Variants in CFAP61 observed in about 807,000 individuals in gnomAD.
CFAP61 encodes cilia- and flagella-associated protein 61.
CFAP61 carries 107 observed loss-of-function variants against 135.6 expected under a neutral mutation model. That is an observed-to-expected ratio of 0.79 (90% CI 0.67 to 0.93). The LOEUF (loss-of-function observed/expected upper bound fraction) is 0.93. Ranked by LOEUF, CFAP61 falls within the 40% of genes least tolerant of loss-of-function variation. The pLI is 0.00. For missense variants in CFAP61, 1,507 were observed against 1,556.2 expected, an observed-to-expected ratio of 0.97 and a Z score of 0.53; for synonymous variants, 575 against 578.5, an observed-to-expected ratio of 0.99 and a Z score of 0.09.
In CFAP61 at chr20:20,349,196, T is replaced by C. The variant is rs1378799466; in HGVS notation, c.3513+7275T>C. On this transcript the variant is annotated intron_variant, in intron 26 of 26. Transcript: ENST00000245957. ...ACATTATCAGTTGTATTAATCTGTT[T>C]GCATTGCTTTAGAAGAACACCTGAG... Among the ~76,000 whole-genome samples the C allele has an allele frequency of 2.6e-5, 4 of 152,226 alleles. No individual in the cohort carries two copies. In the East Asian group the frequency reaches 5.8e-4, roughly 22 times the overall value.
chr20:20,262,730 G>A (rs1282251635), intron 20 of CFAP61, among the ~76,000 whole-genome samples: 1 of 150,782 alleles, frequency 6.6e-6, no homozygotes, highest in Non-Finnish European at 1.5e-5. Flanking sequence ...GAAACAATTT[G>A]TTACACAGCA....
intron 26 of CFAP61, among the ~76,000 whole-genome samples, chr20:20,354,884 A>T (rs1256972601): frequency 8.0e-6 from 1 of 124,256 alleles, no homozygotes; most frequent in African/African-American, 3.0e-5. Context: ...AGGTGGTCAG[A>T]CTGTGTCAGA....
intron 9 of CFAP61, among the ~76,000 whole-genome samples, chr20:20,152,509 G>A (rs553070944): frequency 6.9e-4 from 105 of 152,216 alleles, no homozygotes; most frequent in African/African-American, 2.4e-3. Context: ...CTATAAACTT[G>A]CAGTCAATGG....
chr20:20,199,934 G>A lies in CFAP61; in HGVS notation c.1932+32G>A, dbSNP rs369243987. 1.2e-5 allele frequency: 20 copies of A among 1,610,350 alleles called. 1 individual carries two copies. Among genetic ancestry groups the A allele is most frequent in the South Asian group, 5.5e-5 (5 of 91,004 alleles). On this transcript the variant is annotated intron_variant, in intron 17 of 26. Coordinates refer to ENST00000245957, the MANE Select transcript of CFAP61 (RefSeq NM_015585.4). ...AGCAGGGCGGCAGGCAGGGCGGCGC[G>A]GTGCCAGCTCCCGCGGGCCTGGCAG...
chr20:20,136,445 C>T (rs755712680), intron 8 of CFAP61, among the ~76,000 whole-genome samples: 2 of 151,994 alleles, frequency 1.3e-5, no homozygotes, highest in Non-Finnish European at 2.9e-5. Context: ...TCTTTTGTCT[C>T]CTCTGACTGT....
At chr20:20,228,460 A>C (rs1481171020) in intron 18 of CFAP61, 84 bp downstream of exon 18, 14 of 1,200,764 alleles carry the variant, frequency 1.2e-5, no homozygotes, top group Non-Finnish European at 1.7e-5. Flanking sequence ...CCATCAGAGA[A>C]CAGACCTGAG....
At chr20:20,317,337 G>A (rs1476334043) in intron 25 of CFAP61, among the ~76,000 whole-genome samples, 1 of 152,118 alleles carries the variant, frequency 6.6e-6, no homozygotes, top group Non-Finnish European at 1.5e-5. Flanking sequence ...TCCCTGGGCT[G>A]CACAGCTCCT....
chr20:20,202,334 T>A (rs925996326), intron 17 of CFAP61, among the ~76,000 whole-genome samples: 16 of 152,206 alleles, frequency 1.1e-4, no homozygotes, highest in African/African-American at 3.9e-4. Context: ...ATTCTGACTG[T>A]TTAAGAAGCA....
chr20:20,134,855 A>G (rs542356568), intron 8 of CFAP61, among the ~76,000 whole-genome samples: 1 of 152,168 alleles, frequency 6.6e-6, no homozygotes, highest in Non-Finnish European at 1.5e-5. Flanking sequence ...TTTCCTAGTA[A>G]GCATTTGGGT....
intron 9 of CFAP61, among the ~76,000 whole-genome samples, chr20:20,157,052 T>C (rs2052972110): frequency 6.6e-6 from 1 of 152,164 alleles, no homozygotes; most frequent in African/African-American, 2.4e-5. Flanking sequence ...AGCTGTAGGA[T>C]AACACTAACT....
At position 20,200,835 on chromosome 20, in the gene CFAP61, C is replaced by G. The variant is rs7265557; in HGVS notation, c.1932+933C>G. On this transcript the variant is annotated intron_variant, in intron 17 of 26. Transcript: ENST00000245957. The stretch of plus-strand genomic sequence containing the variant: ...CGACCCAGAGCCTGTCTTACTTGTG[C>G]GTGCACTGAGGGATGGGGCGTACCT... 1.0e-3 allele frequency: 1,007 copies of G among 985,418 alleles called. 14 individuals are homozygous for G. In the African/African-American group the frequency reaches 0.017, roughly 16 times the overall value. The allele number at this position is 985,418 out of a possible 1,614,324, so 61.0% of individuals were successfully genotyped here.
chr20:20,054,000 G>GT (rs772688050), intron 1 of CFAP61, among the ~76,000 whole-genome samples: 20 of 99,446 alleles, frequency 2.0e-4, no homozygotes, highest in Middle Eastern at 6.8e-3. Context: ...CTCTGTGTGT[G>GT]TTTTTTTTGT....
In CFAP61 at chr20:20,360,398, A is replaced by T; in HGVS notation, c.3702A>T (p.Pro1234=). The T allele has an allele frequency of 6.2e-7, 1 of 1,613,832 alleles. No homozygotes were observed. Among genetic ancestry groups the T allele is most frequent in the Non-Finnish European group, 8.5e-7 (1 of 1,179,990 alleles). ...NRYHLPMYAW[P]GIV ...ACCACCTGCCCATGTACGCGTGGCC[A>T]GGCATCGTTTAGTTGTAGGCAGGGT... The change falls in exon 27 of 27, where the codon CCA becomes CCT. Residue 1234 remains proline (P), a synonymous_variant. Transcript: ENST00000245957.
intron 14 of CFAP61, among the ~76,000 whole-genome samples, 186 bp from the exon 15 acceptor site, chr20:20,191,156 T>C (rs180948055): frequency 2.6e-5 from 4 of 152,088 alleles, no homozygotes; most frequent in Non-Finnish European, 5.9e-5. Flanking sequence ...TAATATCTCA[T>C]AGGGTTGGTG....
chr20:20,166,555 C>A, intron 12 of CFAP61, 119 bp downstream of exon 12: 2 of 765,788 alleles, frequency 2.6e-6, no homozygotes, highest in East Asian at 2.6e-5. Context: ...AGAATAAGGT[C>A]AAATGGCATG....
At chr20:20,271,009 A>G (rs2053305682) in intron 21 of CFAP61, among the ~76,000 whole-genome samples, 2 of 152,306 alleles carry the variant, frequency 1.3e-5, no homozygotes, top group Middle Eastern at 6.8e-3. Flanking sequence ...CTTTATGTGC[A>G]TGGTCACTGT....
chr20:20,195,833 A>G (rs1237985129), intron 15 of CFAP61, among the ~76,000 whole-genome samples: 1 of 151,968 alleles, frequency 6.6e-6, no homozygotes, highest in Non-Finnish European at 1.5e-5. Flanking sequence ...TAATTCCATC[A>G]TTTGGGAGGC....
chr20:20,070,939 A>C lies in CFAP61; in HGVS notation c.229A>C (p.Asn77His). Reference sequence around the variant, plus strand: ...CACCTTCCTGGACTACCCCAACTGGAATGTTGCCAAGCAGGATGACTGGGT... The same window carrying C: ...CACCTTCCTGGACTACCCCAACTGGCATGTTGCCAAGCAGGATGACTGGGT... The part of the protein sequence containing the change: ...QATFLDYPNW[N>H]VAKQDDWVSV... The change falls in exon 3 of 27, where the codon AAT becomes CAT. Residue 77 changes from asparagine (N) to histidine (H), a missense_variant. Physicochemically the swap from Asn to His is moderately conservative, Grantham distance 68. Coordinates refer to ENST00000245957, the MANE Select transcript of CFAP61 (RefSeq NM_015585.4). 1.1e-5 allele frequency: 17 copies of C among 1,614,134 alleles called. No homozygotes were observed. The highest frequency in any genetic ancestry group is 1.4e-5 in the Non-Finnish European group (17 of 1,180,012).
intron 13 of CFAP61, among the ~76,000 whole-genome samples, chr20:20,183,210 A>G (rs150156884): frequency 6.5e-4 from 97 of 150,356 alleles, no homozygotes; most frequent in Non-Finnish European, 5.9e-5. Context: ...GCTGGAGTGC[A>G]GTGGCACGAC....
Sources: gnomAD v4.1 joint callset for allele counts (sites outside exome capture counted in the v4.1 genomes callset) on GRCh38, gnomAD v4.1.1 for gene constraint, MANE v1.5 for transcripts, NCBI Gene and HGNC (gene_info 2026-07-23, HGNC 2026-07-21) for gene names.